The following RAP1A variants were observed in gnomAD, a reference collection of about 807,000 sequenced individuals.
RAP1A encodes RAP1A, member of RAS oncogene family, also known as ras-related protein Rap-1A.
A neutral mutation model predicts 26.4 loss-of-function variants in RAP1A; 6 were observed. The ratio of observed to expected loss-of-function variants is 0.23; its 90% CI spans 0.12 to 0.45. The LOEUF (loss-of-function observed/expected upper bound fraction) is 0.45, where lower values mean the gene tolerates loss of function less well. Among genes scored for constraint, RAP1A ranks in the 20% least tolerant of loss-of-function variants. The pLI is 0.99. For missense variants in RAP1A, 121 were observed against 217.2 expected (o/e 0.56, Z 2.78); for synonymous variants, 73 against 79.4 (o/e 0.92, Z 0.43).
intron 1 of RAP1A, among the ~76,000 whole-genome samples, chr1:111,667,373 A>G (rs1660826552): frequency 6.6e-6 from 1 of 152,178 alleles, no homozygotes; most frequent in South Asian, 2.1e-4. Flanking sequence ...GAATATTATA[A>G]AGAAATGTTT....
At chr1:111,643,075 A>AT (rs1335699835) in intron 1 of RAP1A, among the ~76,000 whole-genome samples, 1 of 151,842 alleles carries the variant, frequency 6.6e-6, no homozygotes, top group Non-Finnish European at 1.5e-5. Flanking sequence ...CGGCCAGCTA[A>AT]TTTTTTTTGT....
At chr1:111,619,370 T>C (rs866157206), upstream of RAP1A, among the ~76,000 whole-genome samples, 1 of 152,194 alleles carries the variant, frequency 6.6e-6, no homozygotes, top group African/African-American at 2.4e-5. Context: ...TTGTTTGTTG[T>C]CTGTCTCCCC....
intron 1 of RAP1A, among the ~76,000 whole-genome samples, chr1:111,639,750 A>G (rs1659839711): frequency 6.6e-6 from 1 of 152,194 alleles, no homozygotes; most frequent in Admixed American, 6.5e-5. Flanking sequence ...TTCAGACAGG[A>G]CTGTTGTCTG....
Position 111,629,890 on chromosome 1 carries a change from A to G in RAP1A, c.-28+9956A>G, listed in dbSNP as rs1022493651. On this transcript the variant is annotated intron_variant, in intron 1 of 7. Coordinates refer to ENST00000369709, the MANE Select transcript of RAP1A (RefSeq NM_002884.4). ...GTCTCTTTTAAATAGGTTTGAGGAT[A>G]CTTCTGCCTGTTTGTCCAGCAGAAT... Among the ~76,000 whole-genome samples, 4 of 152,204 alleles carry G rather than the reference A, an allele frequency of 2.6e-5. No individual in the cohort carries two copies. The East Asian group carries it at 5.8e-4, about 22-fold the overall frequency.
At chr1:111,708,930 G>T (rs1662284987) in intron 6 of RAP1A, among the ~76,000 whole-genome samples, 1 of 152,170 alleles carries the variant, frequency 6.6e-6, no homozygotes, top group Admixed American at 6.5e-5. Flanking sequence ...TTGATTTGAT[G>T]TCGAATATCT....
chr1:111,555,362 TAAAAA>T (rs397981230), intron 1 of RAP1A, among the ~76,000 whole-genome samples: 308 of 47,622 alleles, frequency 6.5e-3, no homozygotes, highest in African/African-American at 0.035. Context: ...TGAGACTCTG[TAAAAA>T]AAAAAAAAAA....
intron 1 of RAP1A, among the ~76,000 whole-genome samples, chr1:111,672,199 A>G (rs940510103): frequency 2.6e-5 from 4 of 152,116 alleles, no homozygotes; most frequent in African/African-American, 9.7e-5. Flanking sequence ...AATTCTATTC[A>G]TGATTCCCAT....
At chr1:111,664,373 C>CAAAAAAAAAAAAAAAAAAA (rs57610280) in intron 1 of RAP1A, among the ~76,000 whole-genome samples, 1 of 89,870 alleles carries the variant, frequency 1.1e-5, no homozygotes, top group Non-Finnish European at 2.1e-5. Flanking sequence ...GACTCCGTCT[C>CAAAAAAAAAAAAAAAAAAA]AAAAAAAAAA....
chr1:111,616,704 A>G (rs1311468578), upstream of RAP1A, among the ~76,000 whole-genome samples: 1 of 152,192 alleles, frequency 6.6e-6, no homozygotes, highest in African/African-American at 2.4e-5. Flanking sequence ...AGCAAAACTC[A>G]GACCTGGTCA....
intron 1 of RAP1A, among the ~76,000 whole-genome samples, chr1:111,614,219 A>G (rs190954392): frequency 6.6e-6 from 1 of 152,338 alleles, no homozygotes; most frequent in Admixed American, 6.5e-5. Flanking sequence ...GAGACTAATA[A>G]TACGTACTTT....
chr1:111,632,921 C>CAAAAA (rs59053038), intron 1 of RAP1A, among the ~76,000 whole-genome samples: 17 of 68,750 alleles, frequency 2.5e-4, no homozygotes, highest in African/African-American at 8.8e-4. Flanking sequence ...AACTTGGTCT[C>CAAAAA]AAAAAAAAAA....
chr1:111,587,486 G>A (rs1018279789), intron 1 of RAP1A, among the ~76,000 whole-genome samples: 2 of 151,916 alleles, frequency 1.3e-5, no homozygotes, highest in Non-Finnish European at 2.9e-5. Flanking sequence ...CTCTGCCTAC[G>A]CCTCAGGAAA....
chr1:111,651,999 A>C (rs541080576), intron 1 of RAP1A, among the ~76,000 whole-genome samples: 2 of 151,466 alleles, frequency 1.3e-5, no homozygotes, highest in Admixed American at 1.3e-4. Flanking sequence ...TTTGAGACGG[A>C]GTCTCGCTCT....
chr1:111,681,961 C>T (rs550472946), intron 1 of RAP1A, among the ~76,000 whole-genome samples: 1 of 152,284 alleles, frequency 6.6e-6, no homozygotes, highest in East Asian at 1.9e-4. Context: ...ATCACGTTAC[C>T]CACAAAGGGA....
At chr1:111,699,591 A>T (rs550005352) in intron 4 of RAP1A, among the ~76,000 whole-genome samples, 4 of 150,768 alleles carry the variant, frequency 2.7e-5, no homozygotes, top group African/African-American at 9.8e-5. Flanking sequence ...CCTCCTGAGG[A>T]GCTGGTGCTA....
chr1:111,648,871 C>A, intron 1 of RAP1A: 1 of 780,360 alleles, frequency 1.3e-6, no homozygotes, highest in Non-Finnish European at 2.3e-6. Flanking sequence ...GGGGCATCTG[C>A]CTCCATGGTC....
At chr1:111,672,365 T>C (rs1661000653) in intron 1 of RAP1A, among the ~76,000 whole-genome samples, 1 of 152,220 alleles carries the variant, frequency 6.6e-6, no homozygotes, top group African/African-American at 2.4e-5. Context: ...CTTTGTTTCT[T>C]TGAGATTGTT....
chr1:111,635,662 T>C (rs1571514533), intron 1 of RAP1A, among the ~76,000 whole-genome samples: 1 of 151,948 alleles, frequency 6.6e-6, no homozygotes, highest in African/African-American at 2.4e-5. Context: ...GCCTGCAGGG[T>C]TCAAGCAATT....
chr1:111,547,195 C>T (rs2800895), intron 1 of RAP1A, among the ~76,000 whole-genome samples: 1 of 151,738 alleles, frequency 6.6e-6, no homozygotes. Context: ...AAATTTTCAA[C>T]CTTTCACCAT....
Sources: gnomAD v4.1 joint callset for allele counts (sites outside exome capture counted in the v4.1 genomes callset) on GRCh38, gnomAD v4.1.1 for gene constraint, MANE v1.5 for transcripts, NCBI Gene and HGNC (gene_info 2026-07-23, HGNC 2026-07-21) for gene names.